The following RSPO3 variants were observed in gnomAD, a reference collection of about 807,000 sequenced individuals.
The protein encoded by RSPO3 is R-spondin-3.
A neutral mutation model predicts 36.5 loss-of-function variants in RSPO3; 17 were observed. The observed-to-expected ratio is 0.47, with a 90% CI of 0.32 to 0.70. RSPO3 has a LOEUF of 0.70. RSPO3 is among the 30% of genes least tolerant of loss of function. The pLI is 0.04. For missense variants in RSPO3, 294 were observed against 322.5 expected (o/e 0.91, Z 0.68); for synonymous variants, 108 against 107.0 (o/e 1.01, Z -0.06).
At chr6:127,179,701 A>C (rs1346627366) in intron 4 of RSPO3, among the ~76,000 whole-genome samples, 1 of 151,886 alleles carries the variant, frequency 6.6e-6, no homozygotes, top group Admixed American at 6.6e-5. Flanking sequence ...AAGTTTTACC[A>C]TGCTAAAATC....
intron 1 of RSPO3, among the ~76,000 whole-genome samples, chr6:127,124,469 G>A (rs1015930634): frequency 6.6e-6 from 1 of 151,854 alleles, no homozygotes; most frequent in African/African-American, 2.4e-5. Flanking sequence ...TGTTTGACTT[G>A]GTTAGGACTA....
chr6:127,158,176 G>T (rs1425389389), intron 4 of RSPO3, among the ~76,000 whole-genome samples: 1 of 151,786 alleles, frequency 6.6e-6, no homozygotes, highest in Admixed American at 6.6e-5. Context: ...ATAAAAGTTG[G>T]CATTTCTTAT....
At chr6:127,169,518 T>C (rs1774894978) in intron 4 of RSPO3, among the ~76,000 whole-genome samples, 1 of 151,876 alleles carries the variant, frequency 6.6e-6, no homozygotes, top group Admixed American at 6.6e-5. Flanking sequence ...TCTAGATTTC[T>C]TCCTCTTATG....
chr6:127,128,479 G>A (rs1299479863), intron 1 of RSPO3, among the ~76,000 whole-genome samples: 2 of 152,042 alleles, frequency 1.3e-5, no homozygotes, highest in Non-Finnish European at 2.9e-5. Context: ...TGATTCTAAT[G>A]TGCAGCCAAG....
At chr6:127,130,531 T>G (rs777597507) in intron 1 of RSPO3, among the ~76,000 whole-genome samples, 2 of 152,180 alleles carry the variant, frequency 1.3e-5, no homozygotes, top group Non-Finnish European at 1.5e-5. Flanking sequence ...CCTGTCCTTG[T>G]GCACTGCACA....
At chr6:127,140,452 A>G (rs138385181) in intron 1 of RSPO3, among the ~76,000 whole-genome samples, 2 of 152,278 alleles carry the variant, frequency 1.3e-5, no homozygotes, top group Non-Finnish European at 1.5e-5. Flanking sequence ...CCAAGAGCAA[A>G]ACACATGTAG....
intron 4 of RSPO3, among the ~76,000 whole-genome samples, chr6:127,162,031 T>C (rs1021579463): frequency 6.6e-6 from 1 of 152,126 alleles, no homozygotes; most frequent in African/African-American, 2.4e-5. Context: ...TGTCACATTG[T>C]TGGATGGCTG....
At chr6:127,187,200 T>C in intron 4 of RSPO3, among the ~76,000 whole-genome samples, 1 of 152,112 alleles carries the variant, frequency 6.6e-6, no homozygotes, top group South Asian at 2.1e-4. Flanking sequence ...ACTAATATTT[T>C]GAGAGGACTA....
intron 1 of RSPO3, among the ~76,000 whole-genome samples, chr6:127,134,214 T>G (rs527433307): frequency 6.6e-6 from 1 of 152,176 alleles, no homozygotes; most frequent in African/African-American, 2.4e-5. Flanking sequence ...GAGCAATGAA[T>G]AGGACTCATT....
chr6:127,129,305 C>CT (rs1774004289), intron 1 of RSPO3, among the ~76,000 whole-genome samples: 1 of 151,978 alleles, frequency 6.6e-6, no homozygotes, highest in Non-Finnish European at 1.5e-5. Flanking sequence ...GTTTATGAGT[C>CT]TTTTTTAGTC....
intron 1 of RSPO3, among the ~76,000 whole-genome samples, chr6:127,136,607 A>G (rs185113476): frequency 6.6e-6 from 1 of 152,328 alleles, no homozygotes; most frequent in East Asian, 1.9e-4. Flanking sequence ...AATGGGCAGA[A>G]CAGGTGTTAT....
At chr6:127,141,229 T>C (rs1217529969) in intron 1 of RSPO3, among the ~76,000 whole-genome samples, 1 of 152,166 alleles carries the variant, frequency 6.6e-6, no homozygotes, top group Non-Finnish European at 1.5e-5. Context: ...CCTACTTGCA[T>C]CTATCTTTCA....
chr6:127,171,686 T>G (rs958708275), intron 4 of RSPO3, among the ~76,000 whole-genome samples: 14 of 151,658 alleles, frequency 9.2e-5, no homozygotes, highest in Non-Finnish European at 5.9e-5. Flanking sequence ...TGGCATAATG[T>G]TTTTTTCAGG....
chr6:127,191,615 G>T (rs190967250), intron 4 of RSPO3, among the ~76,000 whole-genome samples: 1 of 152,032 alleles, frequency 6.6e-6, no homozygotes, highest in African/African-American at 2.4e-5. Context: ...ATGGCTTTTT[G>T]GTCTACATGG....
chr6:127,139,447 G>A (rs564244126), intron 1 of RSPO3, among the ~76,000 whole-genome samples: 1 of 152,134 alleles, frequency 6.6e-6, no homozygotes, highest in African/African-American at 2.4e-5. Context: ...TGTGAAGTTA[G>A]TAGTTATGGA....
At chr6:127,176,557 A>G (rs1775059888) in intron 4 of RSPO3, among the ~76,000 whole-genome samples, 1 of 151,332 alleles carries the variant, frequency 6.6e-6, no homozygotes, top group Non-Finnish European at 1.5e-5. Flanking sequence ...TGATACGGTC[A>G]AACAAATACA....
intron 1 of RSPO3, among the ~76,000 whole-genome samples, chr6:127,130,752 T>G (rs1774035082): frequency 6.6e-6 from 1 of 152,152 alleles, no homozygotes; most frequent in African/African-American, 2.4e-5. Flanking sequence ...GGACAAATGC[T>G]GCTTGGCCAC....
chr6:127,192,841 G>T (rs190404519), intron 4 of RSPO3: 7 of 297,820 alleles, frequency 2.4e-5, no homozygotes, highest in African/African-American at 1.4e-4. Context: ...TTGCAAAATT[G>T]CCAAAAAAGC....
rs185854090 is a variant in RSPO3 at position 127,122,939 on chromosome 6, T to C, written c.97+3650T>C. ...TTGATGCCATCTAGTAGCTCGGTTT[T>C]AATTGTTCAGACTCTAGATAAATGC... On this transcript the variant is annotated intron_variant, in intron 1 of 4. Coordinates refer to ENST00000356698, the MANE Select transcript of RSPO3 (RefSeq NM_032784.5). Among the ~76,000 whole-genome samples the C allele has an allele frequency of 3.8e-3, 583 of 152,250 alleles. 2 individuals are homozygous for C. The highest frequency in any genetic ancestry group is 6.5e-3 in the Non-Finnish European group (440 of 67,978).
Sources: gnomAD v4.1 joint callset for allele counts (sites outside exome capture counted in the v4.1 genomes callset) on GRCh38, gnomAD v4.1.1 for gene constraint, MANE v1.5 for transcripts, NCBI Gene and HGNC (gene_info 2026-07-23, HGNC 2026-07-21) for gene names.